HOXC4: variants seen among roughly 807,000 people sequenced by gnomAD.
The protein encoded by HOXC4 is homeobox C4.
A neutral mutation model predicts 25.5 loss-of-function variants in HOXC4; 15 were observed. That is an observed-to-expected ratio of 0.59 (90% CI 0.39 to 0.91). The LOEUF is 0.91. Among genes scored for constraint, HOXC4 ranks in the 40% least tolerant of loss-of-function variants. The pLI, the probability that HOXC4 is intolerant of heterozygous loss-of-function variation, is 0.00. For missense variants in HOXC4, 342 were observed against 352.4 expected (o/e 0.97, Z 0.24); for synonymous variants, 165 against 148.0 (o/e 1.11, Z -0.83).
intron 1 of HOXC4, among the ~76,000 whole-genome samples, chr12:54,026,486 C>T (rs988472160): frequency 1.3e-5 from 2 of 152,210 alleles, no homozygotes; most frequent in Non-Finnish European, 2.9e-5. Context: ...ATTTAAAAAT[C>T]CTCCTCTACC....
At chr12:54,032,082 C>T (rs995660066) in intron 1 of HOXC4, among the ~76,000 whole-genome samples, 2 of 152,238 alleles carry the variant, frequency 1.3e-5, no homozygotes, top group Non-Finnish European at 2.9e-5. Flanking sequence ...AAACCTCTGG[C>T]ATAGGTACCA....
At chr12:54,054,401 C>A (rs1347558501) in intron 1 of HOXC4, 40 bp downstream of exon 1, 1 of 1,209,416 alleles carries the variant, frequency 8.3e-7, no homozygotes, top group Non-Finnish European at 1.1e-6. Flanking sequence ...TCCCTCCCTT[C>A]TTCCCTAGCG....
chr12:54,028,269 T>TATA (rs1565740843), intron 1 of HOXC4: 12 of 72,314 alleles, frequency 1.7e-4, no homozygotes, highest in East Asian at 1.1e-3. Flanking sequence ...ATATATATAT[T>TATA]TTTTAAAAGA....
chr12:54,050,485 G>A (rs117531611), upstream of HOXC4, among the ~76,000 whole-genome samples: 1 of 152,326 alleles, frequency 6.6e-6, no homozygotes, highest in East Asian at 1.9e-4. Context: ...GCAGGAGGGT[G>A]AAACACAAAA....
intron 1 of HOXC4, chr12:54,038,066 A>G (rs1706249891): frequency 6.6e-6 from 1 of 152,016 alleles, no homozygotes; most frequent in African/African-American, 2.4e-5. Context: ...CATTTACCTA[A>G]CCACCCCCCT....
chr12:54,019,326 G>A lies in HOXC4; in HGVS notation c.-124+1912G>A, dbSNP rs991245269. ...TGCTCAGGCTGCCGCGCGCTCTCCC[G>A]CCGCTCAGGCACGGCCCAGTGGCTG... On this transcript the variant is annotated intron_variant, in intron 1 of 3. Coordinates refer to the HOXC4 transcript ENST00000303406. 4.6e-5 allele frequency among the ~76,000 whole-genome samples: 7 copies of A among 152,296 alleles called. No homozygotes were observed. In the South Asian group the frequency reaches 1.5e-3, roughly 32 times the overall value.
At chr12:54,030,286 G>T (rs909739544) in intron 1 of HOXC4, 6 of 186,392 alleles carry the variant, frequency 3.2e-5, no homozygotes, top group African/African-American at 4.7e-5. Context: ...TGAGGACTTG[G>T]CTCCCCCACT....
chr12:54,033,644 A>G, intron 1 of HOXC4: 1 of 1,319,334 alleles, frequency 7.6e-7, no homozygotes, highest in Non-Finnish European at 1.0e-6. Flanking sequence ...CGGGGCAAAT[A>G]AAGAAAAAAA....
intron 1 of HOXC4, chr12:54,029,874 C>CG (rs765056816): frequency 1.2e-6 from 2 of 1,612,370 alleles, no homozygotes; most frequent in East Asian, 2.2e-5. Context: ...TCCACTCTCT[C>CG]GGGGGGCGGC....
chr12:54,029,057 GC>G lies in HOXC4; in HGVS notation c.-124+11648del, dbSNP rs796996772. Reference sequence around the variant, plus strand: ...ACGCTCGTCTCCTCACCGAGACAGGGCCCCCTCTTCTGCCCCCTCAGCTCGC... The same window carrying G: ...ACGCTCGTCTCCTCACCGAGACAGGGCCCCTCTTCTGCCCCCTCAGCTCGC... On this transcript the variant is annotated intron_variant, in intron 1 of 3. Transcript: ENST00000303406. 1.1e-4 allele frequency: 92 copies of G among 867,370 alleles called. 1 individual carries two copies. In the African/African-American group the frequency reaches 1.4e-3, roughly 14 times the overall value. The allele number at this position is 867,370 out of a possible 1,614,324, so 53.7% of individuals were successfully genotyped here. A position where few individuals can be genotyped will look rare whatever the true frequency, so the allele number is the denominator to read the frequency against.
intron 1 of HOXC4, chr12:54,033,654 A>C: frequency 8.0e-7 from 1 of 1,249,228 alleles, no homozygotes. Flanking sequence ...AAAGAAAAAA[A>C]ACCTGCGGCC....
chr12:54,030,098 C>T, intron 1 of HOXC4: 1 of 884,540 alleles, frequency 1.1e-6, no homozygotes, highest in Non-Finnish European at 1.7e-6. Context: ...GGGAGTCAAA[C>T]GTGGACCTGA....
chr12:54,032,382 C>T (rs1443236154), intron 1 of HOXC4, among the ~76,000 whole-genome samples: 2 of 152,256 alleles, frequency 1.3e-5, no homozygotes, highest in East Asian at 3.8e-4. Flanking sequence ...TGATAGGCAC[C>T]TCTTCAGCAG....
At chr12:54,040,748 A>G (rs1786333925) in intron 1 of HOXC4, among the ~76,000 whole-genome samples, 1 of 152,212 alleles carries the variant, frequency 6.6e-6, no homozygotes, top group African/African-American at 2.4e-5. Context: ...ACAAGTATTC[A>G]TTCTCTTCTG....
At chr12:54,023,006 C>A (rs1457505902) in intron 1 of HOXC4, among the ~76,000 whole-genome samples, 1 of 152,186 alleles carries the variant, frequency 6.6e-6, no homozygotes, top group African/African-American at 2.4e-5. Flanking sequence ...GGATATTCTG[C>A]ATTTTAATTT....
At chr12:54,038,871 G>A (rs1032154774) in intron 1 of HOXC4, among the ~76,000 whole-genome samples, 1 of 152,106 alleles carries the variant, frequency 6.6e-6, no homozygotes, top group African/African-American at 2.4e-5. Flanking sequence ...GTAGCCCCTC[G>A]GGGATGGAGC....
At chr12:54,050,536 C>T (rs370978907), upstream of HOXC4, among the ~76,000 whole-genome samples, 4 of 152,304 alleles carry the variant, frequency 2.6e-5, no homozygotes, top group African/African-American at 9.6e-5. Flanking sequence ...CAGATGAGAG[C>T]TGCTTTAGTA....
At chr12:54,038,047 C>T (rs1941217179) in intron 1 of HOXC4, 1 of 152,058 alleles carries the variant, frequency 6.6e-6, no homozygotes, top group Admixed American at 6.5e-5. Flanking sequence ...TCTCTCAGAC[C>T]CTTTCTCCCA....
At chr12:54,053,703 C>A (rs1011351786), upstream of HOXC4, among the ~76,000 whole-genome samples, 1 of 151,848 alleles carries the variant, frequency 6.6e-6, no homozygotes, top group Non-Finnish European at 1.5e-5. Flanking sequence ...TCACCACCCA[C>A]CCCCGCCTCC....
Sources: allele counts gnomAD v4.1 joint callset (sites outside exome capture counted in the v4.1 genomes callset), GRCh38; gene constraint gnomAD v4.1.1; transcripts MANE v1.5; gene names NCBI Gene and HGNC (gene_info 2026-07-23, HGNC 2026-07-21).